BLTP1: variants seen among roughly 807,000 people sequenced by gnomAD.
The protein encoded by BLTP1 is fragile site-associated protein.
the BLTP1 span, chr4:122,301,331 A>G: frequency 1.7e-5 from 28 of 1,604,666 alleles, 1 homozygote; most frequent in South Asian, 2.9e-4. Flanking sequence ...TCTGGAACGA[A>G]CATGATGGAA....
At chr4:122,192,906 C>G in the BLTP1 span, among the ~76,000 whole-genome samples, 1 of 152,164 alleles carries the variant, frequency 6.6e-6, no homozygotes, top group Admixed American at 6.5e-5. Context: ...GTGGCTTAAG[C>G]AACAGAAATG....
the BLTP1 span, chr4:122,349,706 C>T: frequency 6.5e-7 from 1 of 1,537,998 alleles, no homozygotes; most frequent in Non-Finnish European, 8.8e-7. This position sits in a 1 kb window ranked among gnomAD's most constrained non-coding sequence, Gnocchi z 4.5. Flanking sequence ...TGTCTATCAT[C>T]TGGTGAGAAA....
chr4:122,328,808 A>G, the BLTP1 span: 10 of 959,068 alleles, frequency 1.0e-5, no homozygotes, highest in Non-Finnish European at 1.2e-5. Context: ...AATGGTGTTA[A>G]TGAAATAAAT....
chr4:122,259,870 AT>A, the BLTP1 span: 1 of 908,162 alleles, frequency 1.1e-6, no homozygotes, highest in Non-Finnish European at 1.3e-6. Flanking sequence ...AAAAAAAAAA[AT>A]TTTAACTTTC....
At chr4:122,348,578 A>G in the BLTP1 span, 3 of 1,592,520 alleles carry the variant, frequency 1.9e-6, no homozygotes, top group Non-Finnish European at 2.6e-6. Flanking sequence ...TTCACTTTCA[A>G]AAACATCAAC....
chr4:122,279,669 G>T, the BLTP1 span: 1 of 1,274,886 alleles, frequency 7.8e-7, no homozygotes, highest in South Asian at 1.6e-5. Flanking sequence ...ACTTTTTGAA[G>T]ACCTCTCAAA....
At chr4:122,197,469 A>T in the BLTP1 span, 2 of 847,666 alleles carry the variant, frequency 2.4e-6, no homozygotes, top group East Asian at 2.4e-4. Context: ...ACCTTTTCTA[A>T]TCAAGTTCAG....
the BLTP1 span, chr4:122,214,465 A>G: frequency 3.2e-6 from 3 of 952,270 alleles, no homozygotes; most frequent in Non-Finnish European, 3.8e-6. Flanking sequence ...CATCTATTAT[A>G]AAATGAAATT....
At chr4:122,250,903 C>T in the BLTP1 span, 1 of 981,846 alleles carries the variant, frequency 1.0e-6, no homozygotes, top group African/African-American at 1.8e-5. Flanking sequence ...TTTTAGCAGG[C>T]AGAAGTCATT....
the BLTP1 span, chr4:122,232,088 G>A: frequency 5.1e-6 from 5 of 985,306 alleles, no homozygotes; most frequent in Middle Eastern, 1.0e-3. Context: ...TACTTCAGGT[G>A]ACTCGAGTTG....
At chr4:122,173,800 T>A in the BLTP1 span, among the ~76,000 whole-genome samples, 1 of 152,164 alleles carries the variant, frequency 6.6e-6, no homozygotes, top group Non-Finnish European at 1.5e-5. Flanking sequence ...GACTTTTTTT[T>A]AACTTATAAA....
chr4:122,290,612 C>A, the BLTP1 span, among the ~76,000 whole-genome samples: 6 of 150,876 alleles, frequency 4.0e-5, no homozygotes, highest in Non-Finnish European at 7.4e-5. Context: ...ACAGTGAAAC[C>A]CCATCTCTAT....
the BLTP1 span, among the ~76,000 whole-genome samples, chr4:122,205,528 G>T: frequency 7.2e-6 from 1 of 139,148 alleles, no homozygotes; most frequent in Admixed American, 7.1e-5. Context: ...TCTCTCTCTA[G>T]TGTCAAAGTC....
the BLTP1 span, chr4:122,301,329 G>A: frequency 6.2e-7 from 1 of 1,602,914 alleles, no homozygotes; most frequent in Non-Finnish European, 8.5e-7. Flanking sequence ...TCTCTGGAAC[G>A]AACATGATGG....
At chr4:122,219,397 C>A in the BLTP1 span, 5 of 1,614,042 alleles carry the variant, frequency 3.1e-6, no homozygotes, top group Non-Finnish European at 4.2e-6. Context: ...TATCTCAAGT[C>A]CTGTTTTGTC....
At chr4:122,344,790 T>C in the BLTP1 span, 20 of 984,412 alleles carry the variant, frequency 2.0e-5, no homozygotes, top group Non-Finnish European at 2.3e-5. Flanking sequence ...CAAGTATGCC[T>C]AATTAAATCA....
the BLTP1 span, chr4:122,270,321 T>C: frequency 2.0e-6 from 2 of 982,398 alleles, no homozygotes; most frequent in Non-Finnish European, 2.4e-6. Flanking sequence ...ACATTCATAG[T>C]GTGCATGGAA....
the BLTP1 span, chr4:122,360,148 A>T: frequency 3.2e-6 from 2 of 625,458 alleles, no homozygotes; most frequent in Non-Finnish European, 4.0e-6. Context: ...TATATATGTC[A>T]TAACACTGTA....
the BLTP1 span, chr4:122,301,281 G>A: frequency 7.8e-6 from 12 of 1,543,568 alleles, no homozygotes; most frequent in East Asian, 7.1e-5. Context: ...AAATTGTCCC[G>A]AACTCTTCTT....
Sources: allele counts gnomAD v4.1 joint callset (sites outside exome capture counted in the v4.1 genomes callset), GRCh38; gene constraint gnomAD v4.1.1; non-coding constraint Gnocchi (gnomAD v3.1); transcripts MANE v1.5; gene names NCBI Gene and HGNC (gene_info 2026-07-23, HGNC 2026-07-21).